Variants in SEC61A2 observed in about 807,000 individuals in gnomAD.
SEC61A2 encodes the protein protein transport protein Sec61 subunit alpha isoform 2.
SEC61A2 carries 28 observed loss-of-function variants against 59.9 expected under a neutral mutation model. That is an observed-to-expected ratio of 0.47 (90% confidence interval 0.35 to 0.64). The LOEUF (loss-of-function observed/expected upper bound fraction) is 0.64. Ranked by LOEUF, SEC61A2 falls within the 30% of genes least tolerant of loss-of-function variation. The pLI is 0.01. For missense variants in SEC61A2, 340 were observed against 585.9 expected, an observed-to-expected ratio of 0.58 and a Z score of 4.33; for synonymous variants, 202 against 214.4, an observed-to-expected ratio of 0.94 and a Z score of 0.50.
intron 8 of SEC61A2, 168 bp downstream of exon 8, chr10:12,157,235 G>A (rs1021029826): frequency 3.0e-6 from 2 of 662,326 alleles, no homozygotes; most frequent in Non-Finnish European, 5.1e-6. Flanking sequence ...GTGAAATATT[G>A]GAGTCTCTGT....
downstream of SEC61A2, chr10:12,169,362 C>T (rs1052473312): frequency 1.1e-5 from 16 of 1,414,046 alleles, no homozygotes; most frequent in African/African-American, 7.2e-5. This position sits in a 1 kb window ranked among gnomAD's most constrained non-coding sequence, Gnocchi z 4.8. Context: ...CACTTGCCTA[C>T]GTCACCCTGC....
intron 1 of SEC61A2, among the ~76,000 whole-genome samples, chr10:12,132,533 G>A (rs531808993): frequency 5.9e-5 from 9 of 151,632 alleles, no homozygotes; most frequent in Non-Finnish European, 1.3e-4. Flanking sequence ...AGAATCACTT[G>A]AACCTGGGAG....
At position 12,145,728 on chromosome 10, in the gene SEC61A2, C is replaced by T. The variant is rs561469955; in HGVS notation, c.220+2533C>T. Among the ~76,000 whole-genome samples the T allele has an allele frequency of 1.3e-5, 2 of 152,240 alleles. No homozygotes were observed. The highest frequency in any genetic ancestry group is 2.9e-5 in the Non-Finnish European group (2 of 68,012). ...GCTCGTGTGTGAGATGTGCCTCTCTCCAGCCTTGTTAGGATGTTGGAACAT... is the reference window on the plus strand; with the variant it reads ...GCTCGTGTGTGAGATGTGCCTCTCTTCAGCCTTGTTAGGATGTTGGAACAT... On this transcript the variant is annotated intron_variant, in intron 4 of 11. Transcript: ENST00000298428. The surrounding 1 kb of genome is among the most constrained non-coding windows in gnomAD (Gnocchi z 4.4).
intron 4 of SEC61A2, among the ~76,000 whole-genome samples, chr10:12,148,583 A>G (rs567381617): frequency 6.9e-6 from 1 of 144,504 alleles, no homozygotes; most frequent in East Asian, 2.1e-4. Flanking sequence ...CTCTTTCGCC[A>G]GGTTGGAATG....
At chr10:12,137,612 A>G (rs562206936) in intron 3 of SEC61A2, among the ~76,000 whole-genome samples, 1 of 152,296 alleles carries the variant, frequency 6.6e-6, no homozygotes, top group South Asian at 2.1e-4. Flanking sequence ...GCCCAATGAT[A>G]CTTTCAAATA....
downstream of SEC61A2, chr10:12,169,843 A>T (rs1288144974): frequency 5.9e-6 from 2 of 341,464 alleles, no homozygotes; most frequent in African/African-American, 4.2e-5. This position sits in a 1 kb window ranked among gnomAD's most constrained non-coding sequence, Gnocchi z 4.8. Context: ...CTGGTCTTAA[A>T]GCTTCAGGCC....
intron 11 of SEC61A2, among the ~76,000 whole-genome samples, chr10:12,163,987 A>G (rs551114124): frequency 2.0e-5 from 3 of 152,348 alleles, no homozygotes; most frequent in Admixed American, 2.0e-4. Context: ...ACATTTTAAT[A>G]TTTAAATCTG....
chr10:12,166,860 A>G (rs1364488300), downstream of SEC61A2: 3 of 420,364 alleles, frequency 7.1e-6, no homozygotes, highest in Non-Finnish European at 1.5e-5. Context: ...ATCAATCTGT[A>G]CTTCTTGCTG....
chr10:12,133,596 A>G (rs1010246307), intron 2 of SEC61A2, among the ~76,000 whole-genome samples: 1 of 152,234 alleles, frequency 6.6e-6, no homozygotes, highest in African/African-American at 2.4e-5. Flanking sequence ...TCCTGTCTGT[A>G]GTGATCCTTT....
chr10:12,168,181 C>A (rs1290508217), downstream of SEC61A2, among the ~76,000 whole-genome samples: 1 of 152,040 alleles, frequency 6.6e-6, no homozygotes, highest in Non-Finnish European at 1.5e-5. The surrounding 1 kb of genome is among the most constrained non-coding windows in gnomAD (Gnocchi z 4.8). Context: ...CACGCCACCA[C>A]GCCCAGCTAA....
chr10:12,161,331 G>C lies in SEC61A2; in HGVS notation c.1167+210G>C, dbSNP rs1223482400. Among the ~76,000 whole-genome samples the C allele has an allele frequency of 1.3e-5, 2 of 152,192 alleles. No homozygotes were observed. The highest frequency in any genetic ancestry group is 2.9e-5 in the Non-Finnish European group (2 of 68,034). The stretch of plus-strand genomic sequence containing the variant: ...ACGGTGGTGCAAGCCCGTGGTCCCA[G>C]CTACTTGGGAAGTTGAGACGGAGCA... On this transcript the variant is annotated intron_variant, in intron 10 of 11. Transcript: ENST00000298428. The surrounding 1 kb of genome is among the most constrained non-coding windows in gnomAD (Gnocchi z 5.4).
Position 12,160,972 on chromosome 10 carries a change from G to A in SEC61A2, c.1018G>A (p.Gly340Ser). The A allele has an allele frequency of 6.2e-7, 1 of 1,614,030 alleles. No individual in the cohort carries two copies. The change falls in exon 10 of 12, where the codon GGC (glycine) becomes AGC (serine). Residue 340 changes from glycine to serine, a missense_variant. Gly to Ser is a moderately conservative substitution (Grantham distance 56). Coordinates refer to ENST00000298428, the MANE Select transcript of SEC61A2 (RefSeq NM_018144.4). This position sits in a 1 kb window ranked among gnomAD's most constrained non-coding sequence, Gnocchi z 4.1. ...GGPARSYPVG[G>S]LCYYLSPPES... ...ACCCGCACGTTCTTACCCAGTTGGAGGCCTTTGTTACTATCTTTCTCCTCC... is the reference window on the plus strand; with the variant it reads ...ACCCGCACGTTCTTACCCAGTTGGAAGCCTTTGTTACTATCTTTCTCCTCC...
chr10:12,132,655 G>A (rs888705860), intron 1 of SEC61A2, among the ~76,000 whole-genome samples: 1 of 128,690 alleles, frequency 7.8e-6, no homozygotes, highest in Non-Finnish European at 1.8e-5. Flanking sequence ...GTGATTCCAT[G>A]ATTTTTTTGT....
At chr10:12,163,858 T>C (rs1329352426) in intron 11 of SEC61A2, among the ~76,000 whole-genome samples, 2 of 152,174 alleles carry the variant, frequency 1.3e-5, no homozygotes, top group Non-Finnish European at 2.9e-5. Flanking sequence ...GTGATTCTAA[T>C]GTGCAGCCAA....
intron 3 of SEC61A2, among the ~76,000 whole-genome samples, chr10:12,137,993 G>A (rs1833926868): frequency 6.6e-6 from 1 of 152,100 alleles, no homozygotes; most frequent in Admixed American, 6.6e-5. Context: ...GCAACAGAGC[G>A]AGATGCTGTC....
rs771994773 is a variant in SEC61A2 at position 12,162,446 on chromosome 10, A to G, written c.1244+157A>G. The G allele has an allele frequency of 1.3e-6, 1 of 781,880 alleles. No homozygotes were observed. The highest frequency in any genetic ancestry group is 2.3e-6 in the Non-Finnish European group (1 of 430,252). 48.4% of individuals were successfully genotyped at this position (781,880 alleles called of 1,614,324 possible). On this transcript the variant is annotated intron_variant, in intron 11 of 11. Transcript: ENST00000298428. The surrounding 1 kb of genome is among the most constrained non-coding windows in gnomAD (Gnocchi z 6.1). ...CACAAAACTTGTTTTCCATGTCAAAACCAACACCTGAATTTTTCATTGAAA... is the reference window on the plus strand; with the variant it reads ...CACAAAACTTGTTTTCCATGTCAAAGCCAACACCTGAATTTTTCATTGAAA...
In SEC61A2 at chr10:12,145,721, CCT is replaced by C. The variant is rs1450848876; in HGVS notation, c.220+2532_220+2533del. 6.6e-6 allele frequency among the ~76,000 whole-genome samples: 1 copy of C among 152,146 alleles called. No homozygotes were observed. Among genetic ancestry groups the C allele is most frequent in the African/African-American group, 2.4e-5 (1 of 41,426 alleles). ...TCTTCACGCTCGTGTGTGAGATGTG[CCT>C]CTCTCCAGCCTTGTTAGGATGTTGG... On this transcript the variant is annotated intron_variant, in intron 4 of 11. Coordinates refer to ENST00000298428, the MANE Select transcript of SEC61A2 (RefSeq NM_018144.4). The surrounding 1 kb of genome is among the most constrained non-coding windows in gnomAD (Gnocchi z 4.4).
chr10:12,157,764 G>A lies in SEC61A2; in HGVS notation c.778-144G>A, dbSNP rs190765240. On this transcript the variant is annotated intron_variant, in intron 8 of 11. Transcript: ENST00000298428. ...GATCTGCCCGCCTCGGCCTCCCAAA[G>A]TGTTGGGATTACAGGCCTGAGCCCC... 2.2e-4 allele frequency: 153 copies of A among 704,176 alleles called. 3 individuals carry two copies. The Admixed American group carries it at 4.2e-3, about 19-fold the overall frequency. 43.6% of individuals were successfully genotyped at this position (704,176 alleles called of 1,614,324 possible). A position where few individuals can be genotyped will look rare whatever the true frequency, so the allele number is the denominator to read the frequency against.
chr10:12,160,513 A>C lies in SEC61A2; in HGVS notation c.976-417A>C, dbSNP rs998976248. 1.3e-5 allele frequency among the ~76,000 whole-genome samples: 2 copies of C among 152,218 alleles called. No individual in the cohort carries two copies. Among genetic ancestry groups the C allele is most frequent in the Non-Finnish European group, 2.9e-5 (2 of 68,032 alleles). On this transcript the variant is annotated intron_variant, in intron 9 of 11. Transcript: ENST00000298428. This position sits in a 1 kb window ranked among gnomAD's most constrained non-coding sequence, Gnocchi z 4.1. Reference sequence around the variant, plus strand: ...AGGCAGCAAGTTAAAGTCTTATGTCAGTATTTTAGTTGATTGCATTAATAT... The same window carrying C: ...AGGCAGCAAGTTAAAGTCTTATGTCCGTATTTTAGTTGATTGCATTAATAT...
Sources: gnomAD v4.1 joint callset for allele counts (sites outside exome capture counted in the v4.1 genomes callset) on GRCh38, gnomAD v4.1.1 for gene constraint, Gnocchi (gnomAD v3.1) non-coding constraint, MANE v1.5 for transcripts, NCBI Gene and HGNC (gene_info 2026-07-23, HGNC 2026-07-21) for gene names.